EPHB2: variants seen among roughly 807,000 people sequenced by gnomAD.
The protein encoded by EPHB2 is EPH receptor B2.
A neutral mutation model predicts 96.4 loss-of-function variants in EPHB2; 18 were observed. That is an observed-to-expected ratio of 0.19 (90% confidence interval 0.13 to 0.28). The LOEUF is 0.28. Among genes scored for constraint, EPHB2 ranks in the 10% least tolerant of loss-of-function variants. The probability of loss-of-function intolerance (pLI) is 1.00; values close to 1 mark genes in which losing one functional copy is unlikely to be tolerated. For synonymous variants in EPHB2, 506 were observed against 534.1 expected, an observed-to-expected ratio of 0.95 and a Z score of 0.72; for missense variants, 989 against 1,355.4, an observed-to-expected ratio of 0.73 and a Z score of 4.25.
At chr1:22,787,204 C>T (rs1644624896) in intron 3 of EPHB2, among the ~76,000 whole-genome samples, 1 of 152,130 alleles carries the variant, frequency 6.6e-6, no homozygotes, top group Non-Finnish European at 1.5e-5. Flanking sequence ...GCTCAGGCTA[C>T]AGTGGGCGCA....
chr1:22,770,680 G>A (rs376847827), intron 1 of EPHB2, among the ~76,000 whole-genome samples: 11 of 152,242 alleles, frequency 7.2e-5, no homozygotes, highest in African/African-American at 2.7e-4. Context: ...TCCTGGATCT[G>A]CTGTGTACTC....
At position 22,858,947 on chromosome 1, in the gene EPHB2, T is replaced by A. The variant is rs1354747222; in HGVS notation, c.812-4090T>A. ...TTTACAGTCCAGCCAGGTAGACACA[T>A]TCATAAGCAAGTAATTAAAATAGGC... On this transcript the variant is annotated intron_variant, in intron 3 of 15. Transcript: ENST00000374630. This position sits in a 1 kb window ranked among gnomAD's most constrained non-coding sequence, Gnocchi z 7.7. 6.6e-6 allele frequency among the ~76,000 whole-genome samples: 1 copy of A among 152,112 alleles called. No individual in the cohort carries two copies. Among genetic ancestry groups the A allele is most frequent in the Non-Finnish European group, 1.5e-5 (1 of 68,014 alleles).
intron 9 of EPHB2, among the ~76,000 whole-genome samples, chr1:22,899,989 G>C (rs1229137237): frequency 6.7e-6 from 1 of 148,504 alleles, no homozygotes; most frequent in Non-Finnish European, 1.5e-5. Flanking sequence ...GTGAGACCCT[G>C]TCCCAAGAAA....
chr1:22,820,519 C>T (rs1054893740), intron 3 of EPHB2, among the ~76,000 whole-genome samples: 1 of 151,526 alleles, frequency 6.6e-6, no homozygotes, highest in Non-Finnish European at 1.5e-5. Flanking sequence ...AAAAATTAGC[C>T]GGGTGTGGTG....
chr1:22,824,729 G>A (rs1416853130), intron 3 of EPHB2, among the ~76,000 whole-genome samples: 1 of 152,262 alleles, frequency 6.6e-6, no homozygotes, highest in Non-Finnish European at 1.5e-5. Context: ...TGGTTCCAGT[G>A]TCAGTGTCCC....
At chr1:22,712,878 A>G (rs925279094) in intron 1 of EPHB2, among the ~76,000 whole-genome samples, 4 of 152,238 alleles carry the variant, frequency 2.6e-5, no homozygotes, top group Admixed American at 2.0e-4. Context: ...AAATATTGCT[A>G]TTTAGGTTGC....
chr1:22,804,947 C>G (rs1644902402), intron 3 of EPHB2, among the ~76,000 whole-genome samples: 1 of 152,098 alleles, frequency 6.6e-6, no homozygotes, highest in Non-Finnish European at 1.5e-5. Flanking sequence ...TTGCCTGTGC[C>G]TGGACATGCC....
intron 3 of EPHB2, among the ~76,000 whole-genome samples, chr1:22,856,694 T>A (rs984092354): frequency 6.6e-6 from 1 of 152,160 alleles, no homozygotes; most frequent in African/African-American, 2.4e-5. Context: ...CTCAGTTTCC[T>A]TATCTGTAAA....
rs1415282585 is a variant in EPHB2 at position 22,916,776 on chromosome 1, C to T, written c.*3206C>T. ...GCAGGAAAGAAAGCTGCCTTGTAAA[C>T]ACAGGCCAGGGCACCGTGGAAATGG... On this transcript the variant is annotated 3_prime_UTR_variant, in exon 16 of 16. Transcript: ENST00000374630. This position sits in a 1 kb window ranked among gnomAD's most constrained non-coding sequence, Gnocchi z 4.2. 1 of 152,332 alleles carries T rather than the reference C, an allele frequency of 6.6e-6. No individual in the cohort carries two copies. The highest frequency in any genetic ancestry group is 1.5e-5 in the Non-Finnish European group (1 of 68,164). 9.4% of individuals were successfully genotyped at this position (152,332 alleles called of 1,614,324 possible).
rs1039363543 is a variant in EPHB2, at chr1:22,909,047, C to T, written c.2378C>T (p.Thr793Ile). 3 of 1,614,068 alleles carry T rather than the reference C, an allele frequency of 1.9e-6. No individual in the cohort carries two copies. The highest frequency in any genetic ancestry group is 3.3e-4 in the Middle Eastern group (2 of 6,084). Reference sequence around the variant, plus strand: ...GGCGGAAAGATCCCCATCCGCTGGACAGCCCCGGAAGCCATCCAGTACCGG... The same window carrying T: ...GGCGGAAAGATCCCCATCCGCTGGATAGCCCCGGAAGCCATCCAGTACCGG... ...ALGGKIPIRW[T>I]APEAIQYRKF... Residue 793 changes from threonine (T) to isoleucine (I), a missense_variant, in exon 13 of 16, where the codon ACA becomes ATA. By Grantham distance (89) the Thr-to-Ile change is moderately conservative. Transcript: ENST00000374630.
At chr1:22,773,977 A>G (rs547647918) in intron 1 of EPHB2, among the ~76,000 whole-genome samples, 3 of 152,308 alleles carry the variant, frequency 2.0e-5, no homozygotes, top group Non-Finnish European at 4.4e-5. Context: ...ATAGTTAACG[A>G]TGAAATGGGA....
At chr1:22,905,626 T>C (rs1370056157) in intron 9 of EPHB2, among the ~76,000 whole-genome samples, 1 of 152,230 alleles carries the variant, frequency 6.6e-6, no homozygotes, top group Non-Finnish European at 1.5e-5. Flanking sequence ...TTGCACCCCT[T>C]GATTCTGTAT....
At chr1:22,723,112 A>G (rs1643504236) in intron 1 of EPHB2, among the ~76,000 whole-genome samples, 1 of 152,238 alleles carries the variant, frequency 6.6e-6, no homozygotes, top group Non-Finnish European at 1.5e-5. Context: ...ACATATGTCC[A>G]CGGCACCAAC....
At chr1:22,767,236 AG>A in intron 1 of EPHB2, among the ~76,000 whole-genome samples, 1 of 152,304 alleles carries the variant, frequency 6.6e-6, no homozygotes, top group East Asian at 1.9e-4. Flanking sequence ...AGCCCAGAGA[AG>A]GGGCATCTAA....
rs1034213072 is a variant in EPHB2, at chr1:22,733,879, T to C, written c.61+22836T>C. On this transcript the variant is annotated intron_variant, in intron 1 of 15. Transcript: ENST00000374630. This position sits in a 1 kb window ranked among gnomAD's most constrained non-coding sequence, Gnocchi z 4.6. The stretch of plus-strand genomic sequence containing the variant: ...TGAACCCGGGACTGGATTCTTGACC[T>C]GGTATGATTTGGTGGGGACGGAGCT... 1.1e-4 allele frequency among the ~76,000 whole-genome samples: 16 copies of C among 152,260 alleles called. No individual in the cohort carries two copies. The highest frequency in any genetic ancestry group is 8.5e-4 in the Admixed American group (13 of 15,292).
intron 1 of EPHB2, among the ~76,000 whole-genome samples, chr1:22,736,573 C>T (rs117607492): frequency 3.3e-5 from 5 of 152,158 alleles, no homozygotes; most frequent in Admixed American, 6.5e-5. Flanking sequence ...CTGCAGGCCG[C>T]GGTCTGGTTC....
At chr1:22,723,428 C>G (rs1369196854) in intron 1 of EPHB2, among the ~76,000 whole-genome samples, 1 of 152,256 alleles carries the variant, frequency 6.6e-6, no homozygotes, top group Non-Finnish European at 1.5e-5. Context: ...GCTCCCGCAG[C>G]TCTCGGGAGA....
intron 1 of EPHB2, among the ~76,000 whole-genome samples, chr1:22,774,151 C>G (rs72653672): frequency 0.012 from 1,792 of 152,270 alleles, 20 homozygotes; most frequent in Non-Finnish European, 0.016. Context: ...ATGCCACCTC[C>G]TCTGAGATGC....
At chr1:22,748,157 T>C (rs1370236389) in intron 1 of EPHB2, among the ~76,000 whole-genome samples, 1 of 152,212 alleles carries the variant, frequency 6.6e-6, no homozygotes, top group Non-Finnish European at 1.5e-5. Flanking sequence ...ACTGGGTTAC[T>C]GTGAACATTC....
Sources: allele counts gnomAD v4.1 joint callset (sites outside exome capture counted in the v4.1 genomes callset), GRCh38; gene constraint gnomAD v4.1.1; non-coding constraint Gnocchi (gnomAD v3.1); transcripts MANE v1.5; gene names NCBI Gene and HGNC (gene_info 2026-07-23, HGNC 2026-07-21).